The following BNC2 variants were observed in gnomAD, a reference collection of about 807,000 sequenced individuals.
BNC2 encodes the protein basonuclin zinc finger protein 2.
A neutral mutation model predicts 76.3 loss-of-function variants in BNC2; 20 were observed. The observed-to-expected ratio is 0.26, with a 90% CI of 0.18 to 0.38. BNC2 has a LOEUF of 0.38. Ranked by LOEUF, BNC2 falls within the 10% of genes least tolerant of loss-of-function variation. BNC2 has a pLI of 1.00. For missense variants in BNC2, 1,382 were observed against 1,399.8 expected (o/e 0.99, Z 0.20); for synonymous variants, 582 against 514.8 (o/e 1.13, Z -1.77).
At position 16,646,926 on chromosome 9, in the gene BNC2, T is replaced by C. The variant is rs549158669; in HGVS notation, c.331-63841A>G. On this transcript the variant is annotated intron_variant, in intron 3 of 6. Coordinates refer to ENST00000380672, the MANE Select transcript of BNC2 (RefSeq NM_017637.6). The stretch of plus-strand genomic sequence containing the variant: ...CGCATAAGTTACATAAGGTTCCCCA[T>C]ATGAAGTATCACAGACAGATCTGTT... 1.1e-4 allele frequency among the ~76,000 whole-genome samples: 16 copies of C among 152,302 alleles called. No individual in the cohort carries two copies. The East Asian group carries it at 1.9e-3, about 18-fold the overall frequency.
chr9:16,451,222 T>C (rs1821333680), intron 5 of BNC2, among the ~76,000 whole-genome samples: 1 of 152,146 alleles, frequency 6.6e-6, no homozygotes, highest in Admixed American at 6.5e-5. Flanking sequence ...AGGATTTTAC[T>C]GAGTTGGTGA....
At chr9:16,859,051 A>G (rs545112170) in intron 1 of BNC2, among the ~76,000 whole-genome samples, 151 of 152,260 alleles carry the variant, frequency 9.9e-4, no homozygotes, top group African/African-American at 3.4e-3. Context: ...ACTTGAATAG[A>G]TATGTCCACA....
chr9:16,456,997 T>A (rs1400402240), intron 5 of BNC2, among the ~76,000 whole-genome samples: 1 of 152,178 alleles, frequency 6.6e-6, no homozygotes, highest in Non-Finnish European at 1.5e-5. Flanking sequence ...TGTGTGAGTA[T>A]ATGTGGTGGG....
At chr9:16,801,959 T>G (rs1817795273) in intron 1 of BNC2, among the ~76,000 whole-genome samples, 1 of 152,140 alleles carries the variant, frequency 6.6e-6, no homozygotes, top group South Asian at 2.1e-4. Context: ...TATCATCAAC[T>G]AGTATACAGG....
intron 5 of BNC2, among the ~76,000 whole-genome samples, chr9:16,541,895 T>C (rs1237107239): frequency 2.6e-5 from 4 of 152,054 alleles, no homozygotes; most frequent in Admixed American, 6.6e-5. Flanking sequence ...AAAAAATGCC[T>C]ATTGTGCACA....
At chr9:16,444,420 A>G (rs1056058091) in intron 5 of BNC2, among the ~76,000 whole-genome samples, 8 of 152,088 alleles carry the variant, frequency 5.3e-5, no homozygotes, top group Non-Finnish European at 7.4e-5. Flanking sequence ...TCTGCAAGAC[A>G]CTGATAATCC....
chr9:16,565,885 A>G (rs1157767360), intron 4 of BNC2, among the ~76,000 whole-genome samples: 1 of 152,120 alleles, frequency 6.6e-6, no homozygotes, highest in African/African-American at 2.4e-5. Flanking sequence ...ACATGAGAAC[A>G]TAATTTCAAT....
intron 3 of BNC2, among the ~76,000 whole-genome samples, chr9:16,724,811 C>T (rs1299195135): frequency 6.6e-6 from 1 of 152,056 alleles, no homozygotes; most frequent in Non-Finnish European, 1.5e-5. Flanking sequence ...ATGGACATTT[C>T]CCACAATTTT....
At chr9:16,468,194 C>G (rs906407054) in intron 5 of BNC2, among the ~76,000 whole-genome samples, 1 of 151,752 alleles carries the variant, frequency 6.6e-6, no homozygotes, top group African/African-American at 2.4e-5. Flanking sequence ...GCATGAGCCA[C>G]CATGCCTGGC....
At chr9:16,596,349 G>A (rs748476462) in intron 3 of BNC2, among the ~76,000 whole-genome samples, 17 of 152,122 alleles carry the variant, frequency 1.1e-4, no homozygotes, top group African/African-American at 3.1e-4. Context: ...CTATAGGTAC[G>A]TGAATGTACA....
intron 3 of BNC2, among the ~76,000 whole-genome samples, chr9:16,618,698 T>A (rs951649943): frequency 2.0e-5 from 3 of 152,210 alleles, no homozygotes; most frequent in Non-Finnish European, 4.4e-5. Flanking sequence ...CCTTTCCACA[T>A]GAGCCTTGAT....
rs376055051 is a variant in BNC2 at position 16,699,483 on chromosome 9, A to C, written c.330+28314T>G. 2.6e-3 allele frequency among the ~76,000 whole-genome samples: 394 copies of C among 152,344 alleles called. 1 individual carries two copies. The highest frequency in any genetic ancestry group is 8.7e-3 in the African/African-American group (363 of 41,584). On this transcript the variant is annotated intron_variant, in intron 3 of 6. Transcript: ENST00000380672. The stretch of plus-strand genomic sequence containing the variant: ...CACCCTCATTTTCTTCTGCAAAAGT[A>C]AGACTTCTGCAAGAGTGACACAAGT...
At chr9:16,551,920 TG>T (rs1818675005) in intron 5 of BNC2, among the ~76,000 whole-genome samples, 1 of 152,180 alleles carries the variant, frequency 6.6e-6, no homozygotes, top group African/African-American at 2.4e-5. Context: ...CACTCAAGGC[TG>T]GAAGAACAGG....
chr9:16,703,122 A>G (rs1023633887), intron 3 of BNC2, among the ~76,000 whole-genome samples: 2 of 152,188 alleles, frequency 1.3e-5, no homozygotes, highest in Non-Finnish European at 2.9e-5. Flanking sequence ...TTGGATTATG[A>G]AAGGAAACTT....
At chr9:16,687,744 C>T (rs527896166) in intron 3 of BNC2, among the ~76,000 whole-genome samples, 187 of 152,270 alleles carry the variant, frequency 1.2e-3, no homozygotes, top group African/African-American at 4.3e-3. Context: ...TATTTGACCA[C>T]GTCACAAACA....
intron 5 of BNC2, among the ~76,000 whole-genome samples, chr9:16,470,583 A>G (rs1821801431): frequency 1.3e-5 from 2 of 152,296 alleles, no homozygotes; most frequent in Admixed American, 1.3e-4. Context: ...TGTGCAGCCT[A>G]GGAACTTGGT....
intron 1 of BNC2, among the ~76,000 whole-genome samples, chr9:16,779,933 T>C (rs1826078569): frequency 6.6e-6 from 1 of 152,090 alleles, no homozygotes; most frequent in Admixed American, 6.5e-5. Flanking sequence ...AGTTAGACAA[T>C]ATACTAAAAA....
intron 1 of BNC2, among the ~76,000 whole-genome samples, chr9:16,802,598 T>C (rs1163169090): frequency 1.3e-5 from 2 of 152,048 alleles, no homozygotes; most frequent in Non-Finnish European, 2.9e-5. Context: ...ACTCCTAGAG[T>C]AGAGACAACT....
chr9:16,598,556 C>G (rs1263020458), intron 3 of BNC2, among the ~76,000 whole-genome samples: 1 of 152,186 alleles, frequency 6.6e-6, no homozygotes, highest in African/African-American at 2.4e-5. Flanking sequence ...GAACTCACCA[C>G]TACGGGGAAG....
Sources: gnomAD v4.1 joint callset for allele counts (sites outside exome capture counted in the v4.1 genomes callset) on GRCh38, gnomAD v4.1.1 for gene constraint, MANE v1.5 for transcripts, NCBI Gene and HGNC (gene_info 2026-07-23, HGNC 2026-07-21) for gene names.